The following ZBTB46 variants were observed in gnomAD, a reference collection of about 807,000 sequenced individuals.
ZBTB46 encodes zinc finger and BTB domain containing 46, also known as zinc finger and BTB domain-containing protein 46.
In ZBTB46, 8 loss-of-function variants were observed where a neutral mutation model predicts 44.1. That is an observed-to-expected ratio of 0.18 (90% confidence interval 0.11 to 0.33). ZBTB46 has a LOEUF of 0.33. Among genes scored for constraint, ZBTB46 ranks in the 10% least tolerant of loss-of-function variants. The pLI, the probability that ZBTB46 is intolerant of heterozygous loss-of-function variation, is 1.00. For missense variants in ZBTB46, 651 were observed against 847.7 expected (o/e 0.77, Z 2.88); for synonymous variants, 409 against 382.3 (o/e 1.07, Z -0.81).
chr20:63,813,064 C>T (rs1339015679), intron 1 of ZBTB46, among the ~76,000 whole-genome samples: 1 of 136,580 alleles, frequency 7.3e-6, no homozygotes, highest in African/African-American at 3.1e-5. Flanking sequence ...CACCACTATA[C>T]TCCAGCCTGG....
At chr20:63,818,823 G>A (rs1459169217) in intron 1 of ZBTB46, among the ~76,000 whole-genome samples, 1 of 142,854 alleles carries the variant, frequency 7.0e-6, no homozygotes, top group Non-Finnish European at 1.5e-5. Flanking sequence ...AGTGAGCCGA[G>A]ATCGCGCCAC....
rs1416486722 is a variant in ZBTB46 at position 63,772,720 on chromosome 20, AAAACACAC to A, written c.1222+2950_1222+2957del. ...GGCAAGAGAGCGAGACCCTGTCTCA[AAAACACAC>A]ACACACACACACACACACACACACA... On this transcript the variant is annotated intron_variant, in intron 3 of 4. Coordinates refer to ENST00000245663, the MANE Select transcript of ZBTB46 (RefSeq NM_001369741.1). Among the ~76,000 whole-genome samples the A allele has an allele frequency of 8.1e-4, 92 of 113,250 alleles. 1 individual carries two copies. The highest frequency in any genetic ancestry group is 8.9e-4 in the Non-Finnish European group (50 of 56,070). The allele number at this position is 113,250 out of a possible 152,430, so 74.3% of individuals were successfully genotyped here.
At chr20:63,774,198 C>T (rs895101245) in intron 3 of ZBTB46, among the ~76,000 whole-genome samples, 8 of 152,046 alleles carry the variant, frequency 5.3e-5, no homozygotes, top group Non-Finnish European at 8.8e-5. Flanking sequence ...TCGACGGACA[C>T]GGCTCCTCAC....
chr20:63,807,400 A>G (rs1341025741), intron 1 of ZBTB46, among the ~76,000 whole-genome samples: 1 of 152,200 alleles, frequency 6.6e-6, no homozygotes, highest in African/African-American at 2.4e-5. Context: ...GCTGGAGTGC[A>G]GTGGCGCCAT....
At position 63,784,655 on chromosome 20, in the gene ZBTB46, C is replaced by T. The variant is rs527949338; in HGVS notation, c.937+5166G>A. On this transcript the variant is annotated intron_variant, in intron 2 of 4. Coordinates refer to ENST00000245663, the MANE Select transcript of ZBTB46 (RefSeq NM_001369741.1). Reference sequence around the variant, plus strand: ...GGAGACGCCAGGGCCTGGGGAGGCACGGGCCTGCCTGCCTGCCCCATAGCT... The same window carrying T: ...GGAGACGCCAGGGCCTGGGGAGGCATGGGCCTGCCTGCCTGCCCCATAGCT... Among the ~76,000 whole-genome samples, 325 of 152,354 alleles carry T rather than the reference C, an allele frequency of 2.1e-3. 1 individual carries two copies. Among genetic ancestry groups the T allele is most frequent in the African/African-American group, 7.5e-3 (311 of 41,588 alleles).
At chr20:63,796,220 C>G (rs1429194523) in intron 1 of ZBTB46, among the ~76,000 whole-genome samples, 5 of 152,234 alleles carry the variant, frequency 3.3e-5, no homozygotes, top group Non-Finnish European at 7.3e-5. Flanking sequence ...AAATGTAAAA[C>G]AGCAGGCGTG....
intron 2 of ZBTB46, among the ~76,000 whole-genome samples, chr20:63,782,357 G>A (rs1329822976): frequency 6.6e-6 from 1 of 152,150 alleles, no homozygotes; most frequent in African/African-American, 2.4e-5. Context: ...CAGAAGCGAG[G>A]ATGGGAAGGG....
At chr20:63,774,698 GTTT>G (rs56678555) in intron 3 of ZBTB46, among the ~76,000 whole-genome samples, 40 of 71,752 alleles carry the variant, frequency 5.6e-4, no homozygotes, top group East Asian at 1.6e-3. Context: ...GGTTTTTTTT[GTTT>G]TTTTTTTTGT....
rs1457979877 is a variant in ZBTB46, at chr20:63,744,595, C to T, written c.*2335G>A. On this transcript the variant is annotated 3_prime_UTR_variant, in exon 5 of 5. Coordinates refer to ENST00000245663, the MANE Select transcript of ZBTB46 (RefSeq NM_001369741.1). ...AAAAATCAGTCACATAAAAAAAACC[C>T]TTCATGACATGTCTTTTCCCTCCAC... The T allele has an allele frequency of 1.3e-5, 2 of 152,292 alleles. No individual in the cohort carries two copies. Among genetic ancestry groups the T allele is most frequent in the African/African-American group, 4.8e-5 (2 of 41,432 alleles). 9.4% of individuals were successfully genotyped at this position (152,292 alleles called of 1,614,324 possible).
chr20:63,748,098 T>G (rs1395870803), intron 4 of ZBTB46, among the ~76,000 whole-genome samples: 1 of 151,946 alleles, frequency 6.6e-6, no homozygotes, highest in African/African-American at 2.4e-5. Flanking sequence ...AGCCCGACCC[T>G]GACTCCAGGA....
rs531396871 is a variant in ZBTB46, at chr20:63,785,125, G to A, written c.937+4696C>T. Among the ~76,000 whole-genome samples, 7 of 149,438 alleles carry A rather than the reference G, an allele frequency of 4.7e-5. No homozygotes were observed. The South Asian group carries it at 6.4e-4, about 14-fold the overall frequency. ...TGGGCACCTGTAGTCCCAGCTACTC[G>A]GGAGGCTGAGGCAGGAGAATGATGT... On this transcript the variant is annotated intron_variant, in intron 2 of 4. Transcript: ENST00000245663.
upstream of ZBTB46, chr20:63,831,393 G>GGCCACC (rs1490476747): frequency 7.1e-6 from 1 of 141,800 alleles, no homozygotes; most frequent in Non-Finnish European, 1.6e-5. Flanking sequence ...CCCCGGCCGC[G>GGCCACC]GCCACCGCCC....
chr20:63,786,389 G>A (rs1050491451), intron 2 of ZBTB46, among the ~76,000 whole-genome samples: 1 of 152,198 alleles, frequency 6.6e-6, no homozygotes, highest in African/African-American at 2.4e-5. Flanking sequence ...GGCATCTGTG[G>A]GTGGAGGCCA....
At chr20:63,808,454 C>G (rs142880905) in intron 1 of ZBTB46, among the ~76,000 whole-genome samples, 1,895 of 152,260 alleles carry the variant, frequency 0.012, 29 homozygotes, top group Non-Finnish European at 0.017. Flanking sequence ...TCCGGACCCA[C>G]AAGGAGTCTC....
intron 3 of ZBTB46, chr20:63,769,491 C>T: frequency 2.1e-6 from 2 of 964,130 alleles, no homozygotes. Flanking sequence ...CGGTGTGAGC[C>T]CGGTGATGCC....
chr20:63,811,632 G>C (rs2092718236), intron 1 of ZBTB46, among the ~76,000 whole-genome samples: 1 of 151,370 alleles, frequency 6.6e-6, no homozygotes, highest in Non-Finnish European at 1.5e-5. Context: ...GCAGAGATCT[G>C]CACGTGTGAG....
chr20:63,773,139 G>A (rs2092391145), intron 3 of ZBTB46, among the ~76,000 whole-genome samples: 1 of 152,064 alleles, frequency 6.6e-6, no homozygotes, highest in Non-Finnish European at 1.5e-5. Flanking sequence ...ACCAGCAAAG[G>A]CTTCATGGAC....
chr20:63,821,668 A>G (rs771330283), intron 1 of ZBTB46, among the ~76,000 whole-genome samples: 38 of 152,018 alleles, frequency 2.5e-4, no homozygotes, highest in Admixed American at 1.0e-3. Flanking sequence ...GGCTAGTCTC[A>G]AACTCCTGAC....
chr20:63,779,509 T>A (rs2092452358), intron 2 of ZBTB46, among the ~76,000 whole-genome samples: 2 of 143,112 alleles, frequency 1.4e-5, no homozygotes, highest in South Asian at 4.5e-4. Flanking sequence ...AAGCTCCGCC[T>A]CCCAGGTTCA....
Sources: gnomAD v4.1 joint callset for allele counts (sites outside exome capture counted in the v4.1 genomes callset) on GRCh38, gnomAD v4.1.1 for gene constraint, MANE v1.5 for transcripts, NCBI Gene and HGNC (gene_info 2026-07-23, HGNC 2026-07-21) for gene names.